ANKFN1: variants seen among roughly 807,000 people sequenced by gnomAD.
The protein encoded by ANKFN1 is ankyrin repeat and fibronectin type III domain containing 1, also known as ankyrin repeat and fibronectin type-III domain-containing protein 1.
Under a neutral mutation model 108.7 loss-of-function variants are expected in ANKFN1, and 74 were observed. That is an observed-to-expected ratio of 0.68 (90% confidence interval 0.56 to 0.83). ANKFN1 has a LOEUF of 0.83. Among genes scored for constraint, ANKFN1 ranks in the 40% least tolerant of loss-of-function variants. ANKFN1 has a pLI of 0.00. For missense variants in ANKFN1, 1,505 were observed against 1,382.3 expected (o/e 1.09, Z -1.41); for synonymous variants, 547 against 516.2 (o/e 1.06, Z -0.81).
intron 2 of ANKFN1, 38 bp from the exon 3 acceptor site, chr17:56,227,879 C>A (rs777427568): frequency 2.6e-6 from 4 of 1,561,668 alleles, no homozygotes; most frequent in Non-Finnish European, 2.6e-6. Flanking sequence ...GATTACTGTA[C>A]AATTTTTTAA....
rs545539008 is a variant in ANKFN1, at chr17:56,381,451, G to C, written c.910+6737G>C. ...GCTGGACAGAGAATGACTTTGATGA[G>C]TTGAGAGAAGAAGGCATCAGACGAT... On this transcript the variant is annotated intron_variant, in intron 8 of 20. Transcript: ENST00000682825. Among the ~76,000 whole-genome samples, 3 of 152,358 alleles carry C rather than the reference G, an allele frequency of 2.0e-5. No individual in the cohort carries two copies. The South Asian group carries it at 6.2e-4, about 32-fold the overall frequency.
intron 4 of ANKFN1, among the ~76,000 whole-genome samples, chr17:56,129,725 G>A (rs1024854883): frequency 3.3e-5 from 5 of 152,134 alleles, no homozygotes; most frequent in Non-Finnish European, 1.5e-5. Flanking sequence ...TCTGTGAATA[G>A]CATCATAGTA....
chr17:56,130,540 T>A (rs1487201777), intron 4 of ANKFN1, among the ~76,000 whole-genome samples: 1 of 152,094 alleles, frequency 6.6e-6, no homozygotes, highest in Non-Finnish European at 1.5e-5. Flanking sequence ...CTTTCCCTTA[T>A]AAATATTTAT....
intron 11 of ANKFN1, among the ~76,000 whole-genome samples, chr17:56,451,774 C>T (rs2049498042): frequency 6.6e-6 from 1 of 152,154 alleles, no homozygotes; most frequent in African/African-American, 2.4e-5. Context: ...AGAAAGGGGC[C>T]ACTCTCCATC....
chr17:56,302,454 G>T (rs567755341), intron 3 of ANKFN1, among the ~76,000 whole-genome samples: 149 of 148,368 alleles, frequency 1.0e-3, no homozygotes, highest in Non-Finnish European at 1.8e-3. Context: ...GTTTAAAGCT[G>T]CAGTGAGCCA....
chr17:56,455,852 A>G (rs1349916830), intron 11 of ANKFN1, among the ~76,000 whole-genome samples: 1 of 152,186 alleles, frequency 6.6e-6, no homozygotes, highest in South Asian at 2.1e-4. Flanking sequence ...CAATTAATGA[A>G]TGTCTGTTTT....
At chr17:56,328,778 A>T (rs1431149123) in intron 4 of ANKFN1, among the ~76,000 whole-genome samples, 5 of 15,552 alleles carry the variant, frequency 3.2e-4, no homozygotes, top group Admixed American at 1.2e-3. Flanking sequence ...TGTTCCTTTA[A>T]AAAAAAAAGG....
At chr17:56,394,453 C>T (rs562560815) in intron 8 of ANKFN1, among the ~76,000 whole-genome samples, 1 of 152,228 alleles carries the variant, frequency 6.6e-6, no homozygotes, top group Non-Finnish European at 1.5e-5. Context: ...TATTGCCATG[C>T]AACTGTGAGA....
At chr17:56,419,182 GT>G (rs2145042062) in intron 8 of ANKFN1, among the ~76,000 whole-genome samples, 1 of 152,308 alleles carries the variant, frequency 6.6e-6, no homozygotes, top group East Asian at 1.9e-4. Flanking sequence ...CTGCCATGAT[GT>G]TAAGATATAA....
At chr17:56,336,332 G>C (rs1279167767) in intron 4 of ANKFN1, among the ~76,000 whole-genome samples, 1 of 151,990 alleles carries the variant, frequency 6.6e-6, no homozygotes, top group African/African-American at 2.4e-5. Flanking sequence ...AATTCGGCTG[G>C]GAATCCATCT....
upstream of ANKFN1, among the ~76,000 whole-genome samples, chr17:56,152,232 C>G (rs941804582): frequency 6.8e-6 from 1 of 147,024 alleles, no homozygotes; most frequent in Non-Finnish European, 1.5e-5. Flanking sequence ...AGAAGCTCAC[C>G]ATCTTGCAGG....
chr17:56,467,846 GAAAGAAAAAGGGAAA>G (rs2050180684), intron 15 of ANKFN1, among the ~76,000 whole-genome samples: 2 of 33,928 alleles, frequency 5.9e-5, no homozygotes, highest in African/African-American at 1.0e-4. Flanking sequence ...AAGAAAGAAA[GAAAGAAAAAGGGAAA>G]GAAAGAAAGA....
At chr17:56,353,787 GAC>G in intron 5 of ANKFN1, 47 bp from the exon 6 acceptor site, 1 of 1,557,024 alleles carries the variant, frequency 6.4e-7, no homozygotes, top group Admixed American at 1.7e-5. Flanking sequence ...AAGCTACAAA[GAC>G]ACACTGGTTT....
intron 8 of ANKFN1, among the ~76,000 whole-genome samples, chr17:56,376,126 C>G (rs1404104942): frequency 1.3e-5 from 2 of 152,198 alleles, no homozygotes; most frequent in South Asian, 2.1e-4. Context: ...CACTATGGCT[C>G]TCTCTGCCCA....
At chr17:56,371,205 C>A (rs2046802973) in intron 6 of ANKFN1, among the ~76,000 whole-genome samples, 1 of 151,910 alleles carries the variant, frequency 6.6e-6, no homozygotes, top group African/African-American at 2.4e-5. Flanking sequence ...CATTCATTAA[C>A]CATGACAAAT....
chr17:56,119,607 C>T (rs1185145937), intron 4 of ANKFN1, among the ~76,000 whole-genome samples: 1 of 152,076 alleles, frequency 6.6e-6, no homozygotes, highest in African/African-American at 2.4e-5. Context: ...ACAGAAAATG[C>T]TAAAAGAGTA....
At chr17:56,248,338 G>A (rs1389887929) in intron 3 of ANKFN1, among the ~76,000 whole-genome samples, 1 of 152,166 alleles carries the variant, frequency 6.6e-6, no homozygotes, top group Non-Finnish European at 1.5e-5. Context: ...GCAGATGTGT[G>A]TCCCTCTACT....
chr17:56,487,372 G>A (rs536444349), intron 18 of ANKFN1, among the ~76,000 whole-genome samples: 13 of 152,210 alleles, frequency 8.5e-5, no homozygotes, highest in Admixed American at 5.9e-4. Context: ...ATCAGGTGAC[G>A]TGGCCCCTTG....
intron 3 of ANKFN1, among the ~76,000 whole-genome samples, chr17:56,236,913 A>G (rs1917196618): frequency 6.6e-6 from 1 of 152,306 alleles, no homozygotes; most frequent in East Asian, 1.9e-4. Context: ...TGGGTTTGTC[A>G]TGGATGGCTC....
Sources: gnomAD v4.1 joint callset for allele counts (sites outside exome capture counted in the v4.1 genomes callset) on GRCh38, gnomAD v4.1.1 for gene constraint, MANE v1.5 for transcripts, NCBI Gene and HGNC (gene_info 2026-07-23, HGNC 2026-07-21) for gene names.